Variants in RPS6KL1 observed in about 807,000 individuals in gnomAD.
The protein encoded by RPS6KL1 is ribosomal protein S6 kinase-like 1.
A neutral mutation model predicts 57.0 loss-of-function variants in RPS6KL1; 41 were observed. The observed-to-expected ratio is 0.72, with a 90% confidence interval of 0.56 to 0.93. The LOEUF (loss-of-function observed/expected upper bound fraction) is 0.93. Ranked by LOEUF, RPS6KL1 falls within the 40% of genes least tolerant of loss-of-function variation. The probability of loss-of-function intolerance (pLI) is 0.00; values close to 1 mark genes in which losing one functional copy is unlikely to be tolerated. For synonymous variants in RPS6KL1, 287 were observed against 309.7 expected (o/e 0.93, Z 0.77); for missense variants, 697 against 727.7 (o/e 0.96, Z 0.49).
In RPS6KL1 at chr14:74,906,977, G is replaced by C. The variant is rs761119700; in HGVS notation, c.*37C>G. ...TCAGGCAAGGAGGAGAGGCGATCCA[G>C]ACCAGGCCAGCTGCTTCCGTCACCC... On this transcript the variant is annotated 3_prime_UTR_variant, in exon 12 of 12. Transcript: ENST00000557413. 1 of 1,504,290 alleles carries C rather than the reference G, an allele frequency of 6.6e-7. No individual in the cohort carries two copies. Among genetic ancestry groups the C allele is most frequent in the Non-Finnish European group, 9.2e-7 (1 of 1,086,550 alleles). The allele number at this position is 1,504,290 out of a possible 1,614,324, so 93.2% of individuals were successfully genotyped here.
chr14:74,908,921 T>C lies in RPS6KL1; in HGVS notation c.1372A>G (p.Ile458Val), dbSNP rs760834085. 4 of 1,613,504 alleles carry C rather than the reference T, an allele frequency of 2.5e-6. No homozygotes were observed. The African/African-American group carries it at 4.0e-5, about 16-fold the overall frequency. ...NLYSAPEVGG[I>V]SELTEACDWW... The stretch of plus-strand genomic sequence containing the variant: ...TCACAGGCTTCCGTCAGCTCGGAAA[T>C]CCCACCCACCTCTGTGGGAACAAGA... The change falls in exon 10 of 12, where the codon ATT (isoleucine) becomes GTT (valine). Residue 458 changes from isoleucine (I) to valine (V), a missense_variant. Transcript: ENST00000557413.
At chr14:74,916,521 C>G (rs1886873235) in intron 5 of RPS6KL1, among the ~76,000 whole-genome samples, 1 of 152,072 alleles carries the variant, frequency 6.6e-6, no homozygotes, top group Middle Eastern at 3.2e-3. Flanking sequence ...CGAGATCTCT[C>G]TACAAAAAAT....
chr14:74,909,715 G>T lies in RPS6KL1; in HGVS notation c.1098C>A (p.Ser366Arg). ...LGGCGRGMDQSCLSADGAGRG... is the reference protein window; with the variant it reads ...LGGCGRGMDQRCLSADGAGRG... ...GGCCGGCCCCATCTGCTGACAGGCA[G>T]CTCTGATCCATGCCTCGGCCACAGC... Residue 366 changes from serine (S) to arginine (R), a missense_variant, in exon 8 of 12, where the codon AGC becomes AGA. Ser to Arg is a moderately radical substitution (Grantham distance 110). Coordinates refer to ENST00000557413, the MANE Select transcript of RPS6KL1 (RefSeq NM_031464.5). The T allele has an allele frequency of 6.2e-7, 1 of 1,608,632 alleles. No homozygotes were observed.
At chr14:74,913,749 T>C (rs557103078) in intron 5 of RPS6KL1, among the ~76,000 whole-genome samples, 1 of 152,278 alleles carries the variant, frequency 6.6e-6, no homozygotes, top group East Asian at 1.9e-4. Flanking sequence ...AAGCAGGCAA[T>C]TCAGGCAGAG....
At position 74,906,423 on chromosome 14, in the gene RPS6KL1, T is replaced by TG. The variant is rs1884863287; in HGVS notation, c.*590dup. Reference sequence around the variant, plus strand: ...GGAATCGGGGGTGGGGGGGTGGGGGTGGGGGTCATCCTGTCCCCTACCTCA... The same window carrying TG: ...GGAATCGGGGGTGGGGGGGTGGGGGTGGGGGGTCATCCTGTCCCCTACCTCA... On this transcript the variant is annotated 3_prime_UTR_variant, in exon 12 of 12. Transcript: ENST00000557413. 1.1e-4 allele frequency: 21 copies of TG among 197,850 alleles called. 1 individual carries two copies. The highest frequency in any genetic ancestry group is 2.8e-4 in the South Asian group (10 of 35,440). The allele number at this position is 197,850 out of a possible 1,614,324, so 12.3% of individuals were successfully genotyped here.
In RPS6KL1 at chr14:74,906,608, T is replaced by A. The variant is rs775912912; in HGVS notation, c.*406A>T. 7.5e-6 allele frequency: 4 copies of A among 531,698 alleles called. No individual in the cohort carries two copies. The highest frequency in any genetic ancestry group is 1.5e-5 in the Non-Finnish European group (4 of 259,952). The allele number at this position is 531,698 out of a possible 1,614,324, so 32.9% of individuals were successfully genotyped here. A position where few individuals can be genotyped will look rare whatever the true frequency, so the allele number is the denominator to read the frequency against. On this transcript the variant is annotated 3_prime_UTR_variant, in exon 12 of 12. Coordinates refer to ENST00000557413, the MANE Select transcript of RPS6KL1 (RefSeq NM_031464.5). ...CAGTGGATCAGTGTCCTGAGATGAG[T>A]CTCCAGAGATGTCCTGAGTGGGGCA...
intron 3 of RPS6KL1, 39 bp downstream of exon 3, chr14:74,921,238 T>TCC: frequency 1.2e-6 from 1 of 840,178 alleles, no homozygotes; most frequent in Admixed American, 1.8e-5. Flanking sequence ...CACTGGCCCT[T>TCC]CCCCACCCAC....
intron 1 of RPS6KL1, among the ~76,000 whole-genome samples, 166 bp downstream of exon 1, chr14:74,923,014 G>C (rs1296470498): frequency 6.6e-6 from 1 of 152,176 alleles, no homozygotes; most frequent in Non-Finnish European, 1.5e-5. Context: ...CCACCCCGCC[G>C]GGCAGGGTCC....
intron 5 of RPS6KL1, among the ~76,000 whole-genome samples, chr14:74,912,659 T>C (rs1253961725): frequency 6.6e-6 from 1 of 151,972 alleles, no homozygotes; most frequent in East Asian, 1.9e-4. Flanking sequence ...TTTTTCCCAC[T>C]CCACTCCACC....
Position 74,907,102 on chromosome 14 carries a change from CG to C in RPS6KL1, c.1561del (p.Arg521GlyfsTer106). The C allele has an allele frequency of 6.2e-7, 1 of 1,612,882 alleles. No homozygotes were observed. Among genetic ancestry groups the C allele is most frequent in the South Asian group, 1.1e-5 (1 of 90,808 alleles). ...LTELLQFEPT[R>X]RLGMGEGGVS... ...ACCACCTTCTCCCATGCCCAGGCGC[CG>C]GGTAGGCTCGAACTGCAGCAGCTGC... On this transcript the variant is annotated frameshift_variant, in exon 12 of 12. Transcript: ENST00000557413. LOFTEE classifies it high-confidence loss of function.
Position 74,921,382 on chromosome 14 carries a change from C to T in RPS6KL1, c.160G>A (p.Ala54Thr), listed in dbSNP as rs1304526865. The change falls in exon 3 of 12, where the codon GCC becomes ACC. Residue 54 changes from alanine (A) to threonine (T), a missense_variant. Coordinates refer to ENST00000557413, the MANE Select transcript of RPS6KL1 (RefSeq NM_031464.5). ...TCCAGGGCCAGCCGGATCTGCGTGG[C>T]CGCATCCACCAGATAGTCACGTTTT... ...MTKRDYLVDA[A>T]TQIRLALERD... The T allele has an allele frequency of 1.2e-6, 2 of 1,614,276 alleles. No individual in the cohort carries two copies. The highest frequency in any genetic ancestry group is 8.5e-7 in the Non-Finnish European group (1 of 1,180,050).
chr14:74,909,061 C>A (rs760892417), intron 9 of RPS6KL1, 40 bp downstream of exon 9: 2 of 1,603,062 alleles, frequency 1.2e-6, no homozygotes, highest in Non-Finnish European at 1.7e-6. Flanking sequence ...CACAAAGGCA[C>A]CCAGGTGCTA....
chr14:74,915,277 T>C (rs1443143806), intron 5 of RPS6KL1, among the ~76,000 whole-genome samples: 1 of 152,206 alleles, frequency 6.6e-6, no homozygotes, highest in African/African-American at 2.4e-5. Context: ...TAAGGCTTCG[T>C]TCCCCCATGG....
chr14:74,921,238 T>TGGCCCCCCCCCC, intron 3 of RPS6KL1, 39 bp downstream of exon 3: 1 of 840,184 alleles, frequency 1.2e-6, no homozygotes. Context: ...CACTGGCCCT[T>TGGCCCCCCCCCC]CCCCACCCAC....
At position 74,909,767 on chromosome 14, in the gene RPS6KL1, G is replaced by A. The variant is rs756140002; in HGVS notation, c.1046C>T (p.Pro349Leu). ...CCCTAGCACCGGGCCGGCCCCCTCA[G>A]GAACCCAAGTGAGCCCCCGAGGGGG... ...AGPPRGLTWVPEGAGPVLGGC... is the reference protein window; with the variant it reads ...AGPPRGLTWVLEGAGPVLGGC... Residue 349 changes from proline to leucine, a missense_variant, in exon 8 of 12, where the codon CCT (proline) becomes CTT (leucine). Pro to Leu is a moderately conservative substitution (Grantham distance 98). Coordinates refer to ENST00000557413, the MANE Select transcript of RPS6KL1 (RefSeq NM_031464.5). 1.2e-5 allele frequency: 20 copies of A among 1,606,944 alleles called. No homozygotes were observed. The highest frequency in any genetic ancestry group is 1.7e-6 in the Non-Finnish European group (2 of 1,177,902).
At chr14:74,920,697 G>A (rs553077920) in intron 3 of RPS6KL1, among the ~76,000 whole-genome samples, 3 of 152,280 alleles carry the variant, frequency 2.0e-5, no homozygotes, top group South Asian at 2.1e-4. Context: ...GCTCTAGGCC[G>A]GCCCAGTCTG....
At position 74,921,375 on chromosome 14, in the gene RPS6KL1, T is replaced by C; in HGVS notation, c.167A>G (p.Gln56Arg). ...ATCGCGCTCCAGGGCCAGCCGGATCTGCGTGGCCGCATCCACCAGATAGTC... is the reference window on the plus strand; with the variant it reads ...ATCGCGCTCCAGGGCCAGCCGGATCCGCGTGGCCGCATCCACCAGATAGTC... ...KRDYLVDAAT[Q>R]IRLALERDVS... The change falls in exon 3 of 12, where the codon CAG becomes CGG. Residue 56 changes from glutamine to arginine, a missense_variant. Coordinates refer to ENST00000557413, the MANE Select transcript of RPS6KL1 (RefSeq NM_031464.5). 6.2e-7 allele frequency: 1 copy of C among 1,614,286 alleles called. No homozygotes were observed. Among genetic ancestry groups the C allele is most frequent in the Non-Finnish European group, 8.5e-7 (1 of 1,180,052 alleles).
Position 74,904,110 on chromosome 14 carries a change from C to G in RPS6KL1, c.*2904G>C, listed in dbSNP as rs1202368269. ...TTTTAGGGAGACATAAGATACCAGTCAGTACATGTAAGATGTACAGTGGTT... is the reference window on the plus strand; with the variant it reads ...TTTTAGGGAGACATAAGATACCAGTGAGTACATGTAAGATGTACAGTGGTT... On this transcript the variant is annotated 3_prime_UTR_variant, in exon 12 of 12. Transcript: ENST00000557413. 6.6e-6 allele frequency: 1 copy of G among 152,188 alleles called. No homozygotes were observed. The highest frequency in any genetic ancestry group is 1.5e-5 in the Non-Finnish European group (1 of 68,040). The allele number at this position is 152,188 out of a possible 1,614,324, so 9.4% of individuals were successfully genotyped here. A position where few individuals can be genotyped will look rare whatever the true frequency, so the allele number is the denominator to read the frequency against.
chr14:74,912,687 C>A lies in RPS6KL1; in HGVS notation c.484-846G>T, dbSNP rs950463799. Among the ~76,000 whole-genome samples the A allele has an allele frequency of 2.0e-5, 3 of 152,158 alleles. No individual in the cohort carries two copies. The East Asian group carries it at 5.8e-4, about 29-fold the overall frequency. ...ACTCCACCCCCTTCATTTACACACA[C>A]CCCCATGACACAAGTTTATCTATGT... On this transcript the variant is annotated intron_variant, in intron 5 of 11. Coordinates refer to ENST00000557413, the MANE Select transcript of RPS6KL1 (RefSeq NM_031464.5).
Sources: gnomAD v4.1 joint callset for allele counts (sites outside exome capture counted in the v4.1 genomes callset) on GRCh38, gnomAD v4.1.1 for gene constraint, MANE v1.5 for transcripts, NCBI Gene and HGNC (gene_info 2026-07-23, HGNC 2026-07-21) for gene names.